DMD: variants seen among roughly 807,000 people sequenced by gnomAD.
DMD encodes the protein mutant dystrophin.
In DMD, 63 loss-of-function variants were observed where a neutral mutation model predicts 330.1. That is an observed-to-expected ratio of 0.19 (90% CI 0.16 to 0.24). DMD has a LOEUF of 0.24. DMD is among the 10% of genes least tolerant of loss of function. The pLI is 1.00. For missense variants in DMD, 3,344 were observed against 2,684.1 expected (o/e 1.25, Z -5.43); for synonymous variants, 1,223 against 959.8 (o/e 1.27, Z -5.07).
intron 30 of DMD, among the ~76,000 whole-genome samples, chrX:32,402,922 T>G (rs1173701128): frequency 9.0e-6 from 1 of 111,419 alleles, no homozygotes; most frequent in African/African-American, 3.3e-5. Context: ...AGGACCACGT[T>G]AGGCTTATTC....
chrX:31,273,041 G>A (rs779115473), intron 62 of DMD, among the ~76,000 whole-genome samples: 1 of 111,795 alleles, frequency 8.9e-6, no homozygotes, highest in Non-Finnish European at 1.9e-5. Flanking sequence ...AGTTTAAACA[G>A]TATGCTTTGG....
At chrX:31,790,500 A>C (rs2091518157) in intron 50 of DMD, among the ~76,000 whole-genome samples, 1 of 111,898 alleles carries the variant, frequency 8.9e-6, no homozygotes, top group South Asian at 3.7e-4. Flanking sequence ...TAAAAACGTA[A>C]GCTATCAAAA....
intron 9 of DMD, among the ~76,000 whole-genome samples, chrX:32,681,495 G>T (rs1175007541): frequency 9.0e-6 from 1 of 111,731 alleles, no homozygotes; most frequent in African/African-American, 3.3e-5. Flanking sequence ...TTCATAGTAA[G>T]AGAAGGAAGA....
intron 48 of DMD, among the ~76,000 whole-genome samples, chrX:31,837,850 A>C (rs1416816999): frequency 8.9e-6 from 1 of 112,465 alleles, no homozygotes; most frequent in Non-Finnish European, 1.9e-5. Flanking sequence ...ACGGGTGCTC[A>C]GCACATGCTC....
chrX:31,779,178 T>C (rs1249143087), intron 50 of DMD, among the ~76,000 whole-genome samples: 1 of 111,908 alleles, frequency 8.9e-6, no homozygotes, highest in Non-Finnish European at 1.9e-5. Context: ...CCTGAATCCA[T>C]AATCTAGAAC....
intron 1 of DMD, among the ~76,000 whole-genome samples, chrX:33,039,733 A>G (rs1162853368): frequency 3.6e-5 from 4 of 111,277 alleles, no homozygotes; most frequent in Non-Finnish European, 7.5e-5. Context: ...AATGATTAAC[A>G]TGTCGAATGT....
At chrX:33,154,900 GAA>G (rs2048435556) in intron 1 of DMD, among the ~76,000 whole-genome samples, 1 of 112,042 alleles carries the variant, frequency 8.9e-6, no homozygotes, top group South Asian at 3.7e-4. Flanking sequence ...AAAAGAAAGT[GAA>G]AACAATGACA....
At chrX:33,104,510 T>C (rs2095268676) in intron 1 of DMD, among the ~76,000 whole-genome samples, 1 of 109,340 alleles carries the variant, frequency 9.1e-6, no homozygotes, top group Admixed American at 9.9e-5. Context: ...ACTGAGTACC[T>C]TGTGACCCCC....
At chrX:31,411,438 T>G (rs570472406) in intron 60 of DMD, among the ~76,000 whole-genome samples, 3 of 111,986 alleles carry the variant, frequency 2.7e-5, no homozygotes, top group South Asian at 7.6e-4. Flanking sequence ...AAAAAAGTGT[T>G]CCTTTAAGAA....
intron 1 of DMD, among the ~76,000 whole-genome samples, chrX:33,337,280 G>C (rs745507780): frequency 9.0e-6 from 1 of 111,408 alleles, no homozygotes; most frequent in African/African-American, 3.3e-5. Flanking sequence ...AGTCTTGAAT[G>C]GTCACTTAAA....
At chrX:32,060,986 C>T (rs142376879) in intron 44 of DMD, among the ~76,000 whole-genome samples, 115 of 111,186 alleles carry the variant, frequency 1.0e-3, no homozygotes, top group African/African-American at 3.4e-3. Context: ...GATAATAAAA[C>T]GCACTTTGGC....
At chrX:31,596,669 G>A (rs910899332) in intron 55 of DMD, among the ~76,000 whole-genome samples, 2 of 111,870 alleles carry the variant, frequency 1.8e-5, no homozygotes, top group East Asian at 2.8e-4. Flanking sequence ...ACTATAGCAC[G>A]GTATCAGGTT....
intron 44 of DMD, among the ~76,000 whole-genome samples, chrX:32,191,139 G>C (rs73458036): frequency 0.14 from 15,765 of 110,888 alleles, 1,771 homozygotes; most frequent in African/African-American, 0.38. Context: ...TCCTGCTTTT[G>C]AAAGTTCTGA....
intron 25 of DMD, among the ~76,000 whole-genome samples, chrX:32,456,248 C>T (rs1271950815): frequency 9.0e-6 from 1 of 110,534 alleles, no homozygotes; most frequent in African/African-American, 3.3e-5. Flanking sequence ...ATTTTAGGTT[C>T]TTTACTTACC....
chrX:31,376,518 ACTGGTCAGCAG>A (rs2059894310), intron 60 of DMD, among the ~76,000 whole-genome samples: 1 of 111,995 alleles, frequency 8.9e-6, no homozygotes, highest in South Asian at 3.7e-4. Context: ...AGAAGCTCAA[ACTGGTCAGCAG>A]GACAAAAGAA....
At chrX:32,108,801 G>A (rs16990114) in intron 44 of DMD, among the ~76,000 whole-genome samples, 20,633 of 110,872 alleles carry the variant, frequency 0.19, 2,748 homozygotes, top group African/African-American at 0.47. Context: ...TTTAAATAAC[G>A]TGAGGTTTTT....
chrX:31,340,279 G>A (rs1457635204), intron 61 of DMD, among the ~76,000 whole-genome samples: 1 of 112,591 alleles, frequency 8.9e-6, no homozygotes, highest in Admixed American at 9.4e-5. Context: ...GTCACTCAAT[G>A]AAACAGCTTT....
intron 63 of DMD, among the ~76,000 whole-genome samples, chrX:31,258,554 C>T (rs746997020): frequency 8.9e-6 from 1 of 112,304 alleles, no homozygotes; most frequent in African/African-American, 3.2e-5. Context: ...CACACACTTA[C>T]GATGACTTCC....
chrX:32,200,165 A>G (rs1016080009), intron 44 of DMD, among the ~76,000 whole-genome samples: 7 of 110,874 alleles, frequency 6.3e-5, no homozygotes, highest in Non-Finnish European at 1.3e-4. Context: ...AGGTTGGGAG[A>G]GGAGCGGAGC....
Sources: allele counts gnomAD v4.1 joint callset (sites outside exome capture counted in the v4.1 genomes callset), GRCh38; gene constraint gnomAD v4.1.1; transcripts MANE v1.5; gene names NCBI Gene and HGNC (gene_info 2026-07-23, HGNC 2026-07-21).